The following FBXL7 variants were observed in gnomAD, a reference collection of about 807,000 sequenced individuals.
The protein encoded by FBXL7 is F-box and leucine rich repeat protein 7.
In FBXL7, 12 loss-of-function variants were observed where a neutral mutation model predicts 38.3. The observed-to-expected ratio is 0.31, with a 90% CI of 0.20 to 0.51. The LOEUF is 0.51. Among genes scored for constraint, FBXL7 ranks in the 20% least tolerant of loss-of-function variants. The pLI, the probability that FBXL7 is intolerant of heterozygous loss-of-function variation, is 0.98. For missense variants in FBXL7, 567 were observed against 676.4 expected, an observed-to-expected ratio of 0.84 and a Z score of 1.79; for synonymous variants, 297 against 300.9, an observed-to-expected ratio of 0.99 and a Z score of 0.13.
At chr5:15,550,332 T>C (rs1738029000) in intron 1 of FBXL7, among the ~76,000 whole-genome samples, 1 of 152,176 alleles carries the variant, frequency 6.6e-6, no homozygotes, top group African/African-American at 2.4e-5. Context: ...CTGGGACATA[T>C]TTAACAGGCT....
intron 2 of FBXL7, among the ~76,000 whole-genome samples, chr5:15,720,793 TATC>T (rs1221524910): frequency 2.3e-5 from 3 of 129,966 alleles, no homozygotes; most frequent in Admixed American, 8.3e-5. Flanking sequence ...TGATAAATAT[TATC>T]ATTATTAGAG....
At chr5:15,647,034 T>C (rs1049883335) in intron 2 of FBXL7, among the ~76,000 whole-genome samples, 4 of 152,228 alleles carry the variant, frequency 2.6e-5, no homozygotes, top group African/African-American at 9.6e-5. Context: ...CTGATTACCA[T>C]TTCTGGTAAG....
chr5:15,936,762 G>A lies in FBXL7; in HGVS notation c.1052G>A (p.Arg351His), dbSNP rs745453041. Residue 351 changes from arginine to histidine, a missense_variant, in exon 4 of 4, where the codon CGC (arginine) becomes CAC (histidine). By Grantham distance (29) the Arg-to-His change is conservative. Coordinates refer to ENST00000504595, the MANE Select transcript of FBXL7 (RefSeq NM_012304.5). This position sits in a 1 kb window ranked among gnomAD's most constrained non-coding sequence, Gnocchi z 6.0. ...CGGGAGATCGCCAAGCTGGAGTCCCGCCTGCGGTACCTGAGCATCGCGCAC... is the reference window on the plus strand; with the variant it reads ...CGGGAGATCGCCAAGCTGGAGTCCCACCTGCGGTACCTGAGCATCGCGCAC... ...GLREIAKLESRLRYLSIAHCG... is the reference protein window; with the variant it reads ...GLREIAKLESHLRYLSIAHCG... 2 of 1,610,102 alleles carry A rather than the reference G, an allele frequency of 1.2e-6. No homozygotes were observed.
chr5:15,624,961 C>G (rs959821062), intron 2 of FBXL7, among the ~76,000 whole-genome samples: 4 of 150,726 alleles, frequency 2.7e-5, no homozygotes, highest in Non-Finnish European at 1.5e-5. Context: ...GCCACTTGAT[C>G]TCTTTGCACA....
At chr5:15,799,356 C>CTTTTTTTTTTTTTTTTTTTTTTTTTTTT (rs34953272) in intron 2 of FBXL7, among the ~76,000 whole-genome samples, 1 of 90,876 alleles carries the variant, frequency 1.1e-5, no homozygotes, top group Non-Finnish European at 2.0e-5. Context: ...AAACCCCTCC[C>CTTTTTTTTTTTTTTTTTTTTTTTTTTTT]TTTTTTTTTT....
intron 2 of FBXL7, among the ~76,000 whole-genome samples, chr5:15,731,117 G>GA: frequency 6.6e-6 from 1 of 152,278 alleles, no homozygotes; most frequent in Middle Eastern, 3.4e-3. Flanking sequence ...TAGCAAGAGG[G>GA]AAAATGGATG....
chr5:15,712,203 C>T (rs189365288), intron 2 of FBXL7, among the ~76,000 whole-genome samples: 9 of 152,244 alleles, frequency 5.9e-5, no homozygotes, highest in African/African-American at 1.4e-4. Flanking sequence ...TGTGATAATG[C>T]ACTTTCCTGT....
intron 2 of FBXL7, among the ~76,000 whole-genome samples, chr5:15,703,701 G>T (rs994520380): frequency 3.3e-5 from 5 of 152,182 alleles, no homozygotes; most frequent in Admixed American, 3.3e-4. Flanking sequence ...CTGGAAGCTA[G>T]ATGATAATAA....
intron 2 of FBXL7, among the ~76,000 whole-genome samples, chr5:15,784,345 A>G (rs1435925293): frequency 1.3e-5 from 2 of 152,170 alleles, no homozygotes; most frequent in Admixed American, 1.3e-4. Flanking sequence ...TAGCATTTTT[A>G]AGTGAAGGAT....
chr5:15,906,669 C>T (rs972872283), intron 2 of FBXL7, among the ~76,000 whole-genome samples: 3 of 101,332 alleles, frequency 3.0e-5, no homozygotes, highest in Admixed American at 1.1e-4. Context: ...CTCCCCCCTC[C>T]CCCGACCCCA....
intron 2 of FBXL7, among the ~76,000 whole-genome samples, chr5:15,653,901 C>G (rs1319804047): frequency 6.6e-6 from 1 of 152,148 alleles, no homozygotes; most frequent in African/African-American, 2.4e-5. Flanking sequence ...CTTTGCATGA[C>G]CAAACTAATT....
At chr5:15,923,210 GCCAATGTCCA>G (rs1392614634) in intron 2 of FBXL7, among the ~76,000 whole-genome samples, 1 of 152,152 alleles carries the variant, frequency 6.6e-6, no homozygotes, top group Non-Finnish European at 1.5e-5. Context: ...AGCAGCTATT[GCCAATGTCCA>G]TTTAGCTGCC....
intron 2 of FBXL7, among the ~76,000 whole-genome samples, chr5:15,830,443 C>T (rs535487160): frequency 6.6e-6 from 1 of 151,526 alleles, no homozygotes; most frequent in South Asian, 2.1e-4. Context: ...GAGATCATGC[C>T]ACTATACTCT....
intron 1 of FBXL7, among the ~76,000 whole-genome samples, chr5:15,543,236 A>C (rs1360715361): frequency 1.3e-5 from 2 of 152,192 alleles, no homozygotes; most frequent in Admixed American, 1.3e-4. Context: ...TCATGGCAGA[A>C]GGCAAAGGGG....
chr5:15,701,995 T>C (rs1006039309), intron 2 of FBXL7, among the ~76,000 whole-genome samples: 1 of 152,100 alleles, frequency 6.6e-6, no homozygotes, highest in East Asian at 1.9e-4. Context: ...TCCAGCACTT[T>C]GGGAGACTGA....
intron 2 of FBXL7, among the ~76,000 whole-genome samples, chr5:15,901,382 GT>G (rs1458266226): frequency 2.6e-5 from 4 of 152,100 alleles, no homozygotes; most frequent in African/African-American, 4.8e-5. Context: ...ATTCATGAAG[GT>G]TCTGCCCACA....
chr5:15,802,170 A>G (rs1737587346), intron 2 of FBXL7, among the ~76,000 whole-genome samples: 1 of 152,080 alleles, frequency 6.6e-6, no homozygotes, highest in African/African-American at 2.4e-5. Context: ...CCTCTGTGAC[A>G]ATCACGCTGA....
chr5:15,644,096 T>C (rs1428788776), intron 2 of FBXL7, among the ~76,000 whole-genome samples: 2 of 152,036 alleles, frequency 1.3e-5, no homozygotes, highest in African/African-American at 4.8e-5. Context: ...ATGCTGATGA[T>C]TTGGAGCAAG....
rs576254566 is a variant in FBXL7, at chr5:15,515,366, C to T, written c.37+14653C>T. On this transcript the variant is annotated intron_variant, in intron 1 of 3. Transcript: ENST00000504595. The stretch of plus-strand genomic sequence containing the variant: ...CAAAAAACAAGCTTACAGTTCCTGG[C>T]TGCTGCCATTGGTGCTGTTTTTGAA... Among the ~76,000 whole-genome samples the T allele has an allele frequency of 5.6e-4, 85 of 152,314 alleles. No homozygotes were observed. In the South Asian group the frequency reaches 0.017, roughly 31 times the overall value.
Sources: allele counts gnomAD v4.1 joint callset (sites outside exome capture counted in the v4.1 genomes callset), GRCh38; gene constraint gnomAD v4.1.1; non-coding constraint Gnocchi (gnomAD v3.1); transcripts MANE v1.5; gene names NCBI Gene and HGNC (gene_info 2026-07-23, HGNC 2026-07-21).